Variants in TAFA5 observed in about 807,000 individuals in gnomAD.
The protein encoded by TAFA5 is chemokine-like protein TAFA-5.
A neutral mutation model predicts 15.3 loss-of-function variants in TAFA5; 6 were observed. That is an observed-to-expected ratio of 0.39 (90% confidence interval 0.21 to 0.77). TAFA5 has a LOEUF of 0.77. Among genes scored for constraint, TAFA5 ranks in the 30% least tolerant of loss-of-function variants. The pLI, the probability that TAFA5 is intolerant of heterozygous loss-of-function variation, is 0.41. For missense variants in TAFA5, 161 were observed against 193.1 expected, an observed-to-expected ratio of 0.83 and a Z score of 0.98; for synonymous variants, 103 against 80.7, an observed-to-expected ratio of 1.28 and a Z score of -1.48.
intron 1 of TAFA5, among the ~76,000 whole-genome samples, chr22:48,617,772 C>T (rs1331998615): frequency 6.6e-6 from 1 of 152,178 alleles, no homozygotes; most frequent in Non-Finnish European, 1.5e-5. Context: ...GACCACATGC[C>T]TGCTGGGCTG....
At chr22:48,656,350 C>CA (rs899991749) in intron 2 of TAFA5, among the ~76,000 whole-genome samples, 1 of 151,706 alleles carries the variant, frequency 6.6e-6, no homozygotes, top group African/African-American at 2.4e-5. Flanking sequence ...CTAAAAAATA[C>CA]AAAAAATGAG....
chr22:48,674,560 T>C (rs950172585), intron 2 of TAFA5, among the ~76,000 whole-genome samples: 6 of 152,186 alleles, frequency 3.9e-5, no homozygotes, highest in African/African-American at 9.6e-5. Flanking sequence ...ACGCTTTTGT[T>C]TGGGCGTCGA....
chr22:48,600,377 G>A (rs1490612219), intron 1 of TAFA5, among the ~76,000 whole-genome samples: 2 of 152,220 alleles, frequency 1.3e-5, no homozygotes, highest in Non-Finnish European at 2.9e-5. Flanking sequence ...GGTCCAGCGG[G>A]GATCAGAGTG....
intron 1 of TAFA5, among the ~76,000 whole-genome samples, chr22:48,507,355 C>T (rs1172817721): frequency 6.6e-6 from 1 of 152,030 alleles, no homozygotes; most frequent in East Asian, 1.9e-4. Flanking sequence ...AGGGGTGGGG[C>T]TTGTTGGGAG....
intron 1 of TAFA5, among the ~76,000 whole-genome samples, chr22:48,540,952 C>A (rs1922348785): frequency 6.6e-6 from 1 of 151,920 alleles, no homozygotes; most frequent in African/African-American, 2.4e-5. Flanking sequence ...GGTAGCAGCT[C>A]TCTGTGTGGA....
At position 48,502,571 on chromosome 22, in the gene TAFA5, G is replaced by A. The variant is rs1039137537; in HGVS notation, c.112+12867G>A. On this transcript the variant is annotated intron_variant, in intron 1 of 3. Transcript: ENST00000402357. ...GAGTCCGACTCTGTCTCCCAGCCTG[G>A]AGTGAAGTGGTGTGATCTCGGCTCA... 2.0e-4 allele frequency among the ~76,000 whole-genome samples: 30 copies of A among 150,194 alleles called. No homozygotes were observed. In the Middle Eastern group the frequency reaches 0.014, roughly 70 times the overall value.
Position 48,550,720 on chromosome 22 carries a change from G to T in TAFA5, c.112+61016G>T, listed in dbSNP as rs1330230592. Among the ~76,000 whole-genome samples, 1 of 152,086 alleles carries T rather than the reference G, an allele frequency of 6.6e-6. No homozygotes were observed. Among genetic ancestry groups the T allele is most frequent in the Non-Finnish European group, 1.5e-5 (1 of 68,014 alleles). ...ACACAGTGGTTGGGTGTGGAGTCCG[G>T]ACAAGGTACATCCTGATCCAGGGCC... On this transcript the variant is annotated intron_variant, in intron 1 of 3. Coordinates refer to ENST00000402357, the MANE Select transcript of TAFA5 (RefSeq NM_001082967.3). The surrounding 1 kb of genome is among the most constrained non-coding windows in gnomAD (Gnocchi z 4.1).
intron 3 of TAFA5, among the ~76,000 whole-genome samples, chr22:48,712,383 C>T (rs1461166916): frequency 6.6e-6 from 1 of 152,154 alleles, no homozygotes. Flanking sequence ...AAAGTGCAGG[C>T]CGTCACCCCA....
intron 1 of TAFA5, among the ~76,000 whole-genome samples, chr22:48,609,900 C>G (rs978632755): frequency 2.0e-5 from 3 of 152,238 alleles, no homozygotes; most frequent in African/African-American, 7.2e-5. Context: ...CGTCCTCCCT[C>G]TGTGTCCTAA....
At chr22:48,571,307 G>A (rs533950867) in intron 1 of TAFA5, among the ~76,000 whole-genome samples, 5 of 122,138 alleles carry the variant, frequency 4.1e-5, no homozygotes, top group African/African-American at 1.3e-4. Flanking sequence ...ACAAAGTCTC[G>A]CTCTGTTGCC....
intron 1 of TAFA5, among the ~76,000 whole-genome samples, chr22:48,557,507 C>T (rs912917483): frequency 6.6e-6 from 1 of 152,182 alleles, no homozygotes; most frequent in African/African-American, 2.4e-5. Context: ...CTGTTCTGGC[C>T]ACCCTAGGAC....
chr22:48,540,118 T>C (rs569583617), intron 1 of TAFA5, among the ~76,000 whole-genome samples: 1 of 152,328 alleles, frequency 6.6e-6, no homozygotes, highest in South Asian at 2.1e-4. Flanking sequence ...GCAGTGAACC[T>C]GCTGGCCACC....
At chr22:48,693,671 C>A (rs1928612165) in intron 2 of TAFA5, among the ~76,000 whole-genome samples, 1 of 152,190 alleles carries the variant, frequency 6.6e-6, no homozygotes, top group Non-Finnish European at 1.5e-5. Context: ...TCCCGCACCA[C>A]ACCGGGCTTT....
chr22:48,502,636 C>T (rs1168452685), intron 1 of TAFA5, among the ~76,000 whole-genome samples: 1 of 151,596 alleles, frequency 6.6e-6, no homozygotes, highest in Non-Finnish European at 1.5e-5. Flanking sequence ...ATTCTCCTGC[C>T]TCAGCCTCCC....
chr22:48,511,192 T>G (rs1439711133), intron 1 of TAFA5, among the ~76,000 whole-genome samples: 1 of 152,186 alleles, frequency 6.6e-6, no homozygotes, highest in African/African-American at 2.4e-5. Flanking sequence ...CCCTGTCGCT[T>G]CTTCTTCATG....
intron 1 of TAFA5, among the ~76,000 whole-genome samples, chr22:48,513,480 G>A (rs1038788280): frequency 3.3e-5 from 5 of 152,218 alleles, no homozygotes; most frequent in African/African-American, 1.2e-4. Context: ...TAGAAGGACA[G>A]ACTGGCGATT....
At chr22:48,699,668 G>A (rs188424225) in intron 2 of TAFA5, among the ~76,000 whole-genome samples, 28 of 152,286 alleles carry the variant, frequency 1.8e-4, no homozygotes, top group Non-Finnish European at 4.4e-5. Context: ...TTTATGAGCG[G>A]GTTCCTGATA....
At chr22:48,672,687 T>A (rs1462213077) in intron 2 of TAFA5, among the ~76,000 whole-genome samples, 1 of 152,210 alleles carries the variant, frequency 6.6e-6, no homozygotes, top group Non-Finnish European at 1.5e-5. Context: ...CACCATCCTT[T>A]TGACCTTTTG....
intron 2 of TAFA5, among the ~76,000 whole-genome samples, chr22:48,696,711 T>C (rs372877468): frequency 6.6e-6 from 1 of 152,242 alleles, no homozygotes; most frequent in South Asian, 2.1e-4. Flanking sequence ...CTGTCCTTGC[T>C]GCCTTCAAAA....
Sources: allele counts gnomAD v4.1 joint callset (sites outside exome capture counted in the v4.1 genomes callset), GRCh38; gene constraint gnomAD v4.1.1; non-coding constraint Gnocchi (gnomAD v3.1); transcripts MANE v1.5; gene names NCBI Gene and HGNC (gene_info 2026-07-23, HGNC 2026-07-21).